NPLOC4: variants seen among roughly 807,000 people sequenced by gnomAD.
NPLOC4 encodes NPL4 homolog, ubiquitin recognition factor.
A neutral mutation model predicts 80.6 loss-of-function variants in NPLOC4; 18 were observed. The observed-to-expected ratio is 0.22, with a 90% CI of 0.15 to 0.33. The LOEUF (loss-of-function observed/expected upper bound fraction) is 0.33. Ranked by LOEUF, NPLOC4 falls within the 10% of genes least tolerant of loss-of-function variation. NPLOC4 has a pLI of 1.00. For synonymous variants in NPLOC4, 313 were observed against 301.5 expected (o/e 1.04, Z -0.39); for missense variants, 540 against 786.1 (o/e 0.69, Z 3.74).
At chr17:81,592,490 G>A (rs2034777811) in intron 11 of NPLOC4, among the ~76,000 whole-genome samples, 1 of 152,054 alleles carries the variant, frequency 6.6e-6, no homozygotes, top group Admixed American at 6.6e-5. Context: ...TTATAAATTA[G>A]GTTATTTATT....
At chr17:81,627,449 C>G (rs1327459535) in intron 2 of NPLOC4, among the ~76,000 whole-genome samples, 1 of 150,534 alleles carries the variant, frequency 6.6e-6, no homozygotes, top group Non-Finnish European at 1.5e-5. Flanking sequence ...ACTCAGAAAT[C>G]TGTTTTGAGG....
At chr17:81,581,980 C>T (rs2034452685) in intron 12 of NPLOC4, among the ~76,000 whole-genome samples, 2 of 152,208 alleles carry the variant, frequency 1.3e-5, no homozygotes, top group African/African-American at 4.8e-5. Context: ...ACAGCAGAGA[C>T]ATGCTTCCAT....
At chr17:81,619,770 T>C (rs1421663624) in intron 3 of NPLOC4, among the ~76,000 whole-genome samples, 1 of 150,410 alleles carries the variant, frequency 6.6e-6, no homozygotes, top group Non-Finnish European at 1.5e-5. Flanking sequence ...TCCCAGCTAC[T>C]CAGGAGGCTG....
chr17:81,580,693 G>T lies in NPLOC4; in HGVS notation c.1281+8251C>A, dbSNP rs62073416. ...CAAGCTTCTCTACCCGTTCCGCTGG[G>T]GTGGCCCACCTCCCCTGCTGCAGCA... On this transcript the variant is annotated intron_variant, in intron 12 of 16. Transcript: ENST00000331134. This position sits in a 1 kb window ranked among gnomAD's most constrained non-coding sequence, Gnocchi z 4.4. Among the ~76,000 whole-genome samples the T allele has an allele frequency of 0.071, 10,746 of 152,232 alleles. 521 individuals are homozygous for T. The highest frequency in any genetic ancestry group is 0.17 in the Middle Eastern group (50 of 294).
At position 81,606,680 on chromosome 17, in the gene NPLOC4, G is replaced by A; in HGVS notation, c.654+11C>T. The A allele has an allele frequency of 6.2e-7, 1 of 1,608,064 alleles. No individual in the cohort carries two copies. ...ATGAAAACAAATCTAGACAGACAGG[G>A]AACATCTCACCTGTCTGTTCAGCGT... On this transcript the variant is annotated intron_variant, in intron 7 of 16. Coordinates refer to ENST00000331134, the MANE Select transcript of NPLOC4 (RefSeq NM_017921.4).
At chr17:81,598,044 G>A (rs1296088501) in intron 9 of NPLOC4, among the ~76,000 whole-genome samples, 3 of 145,606 alleles carry the variant, frequency 2.1e-5, no homozygotes, top group South Asian at 2.2e-4. Context: ...GCAGTGAGCC[G>A]AGATTGCGTC....
intron 12 of NPLOC4, among the ~76,000 whole-genome samples, chr17:81,584,286 T>C (rs2034517780): frequency 6.6e-6 from 1 of 152,240 alleles, no homozygotes; most frequent in Admixed American, 6.5e-5. Flanking sequence ...TGGGAAGTAT[T>C]TCTAGCCTAT....
intron 16 of NPLOC4, chr17:81,562,283 A>T (rs909248319): frequency 1.3e-5 from 2 of 151,930 alleles, no homozygotes. Context: ...TCACACCTAT[A>T]ATCCCAGCAC....
At chr17:81,633,793 C>T (rs557670657) in intron 1 of NPLOC4, among the ~76,000 whole-genome samples, 2 of 152,292 alleles carry the variant, frequency 1.3e-5, no homozygotes, top group South Asian at 4.1e-4. Flanking sequence ...CAACCTTTGC[C>T]TGCCGAGTTC....
At position 81,596,118 on chromosome 17, in the gene NPLOC4, G is replaced by A. The variant is rs1238530061; in HGVS notation, c.1118C>T (p.Thr373Ile). 1 of 1,613,840 alleles carries A rather than the reference G, an allele frequency of 6.2e-7. No individual in the cohort carries two copies. ...AGTACATACTGTCCCTGTTATACCTGTAGCCACTGCAGTAACAAACTTGGA... is the reference window on the plus strand; with the variant it reads ...AGTACATACTGTCCCTGTTATACCTATAGCCACTGCAGTAACAAACTTGGA... ...FGSKFVTAVA[T>I]GGPDNQVHFE... The change falls in exon 11 of 17, where the codon ACA becomes ATA. Residue 373 changes from threonine (T) to isoleucine (I), a missense_variant and splice_region_variant. Thr to Ile is a moderately conservative substitution (Grantham distance 89, BLOSUM62 -1). This residue lies in a region of NPLOC4 where 251 missense variants were observed against 377.5 expected (regional missense o/e 0.66). Coordinates refer to ENST00000331134, the MANE Select transcript of NPLOC4 (RefSeq NM_017921.4).
intron 4 of NPLOC4, among the ~76,000 whole-genome samples, chr17:81,610,814 C>T (rs71373091): frequency 1.2e-5 from 1 of 86,918 alleles, no homozygotes; most frequent in East Asian, 2.3e-4. Flanking sequence ...TAGCCGGGCG[C>T]GGTGGCGGGC....
At chr17:81,598,591 G>A (rs184500998) in intron 9 of NPLOC4, among the ~76,000 whole-genome samples, 4 of 152,320 alleles carry the variant, frequency 2.6e-5, no homozygotes, top group Non-Finnish European at 2.9e-5. Context: ...AAGCATCTGA[G>A]GGTATGAGGA....
intron 1 of NPLOC4, 185 bp from the exon 2 acceptor site, chr17:81,629,990 C>T: frequency 3.7e-6 from 2 of 541,482 alleles, no homozygotes; most frequent in South Asian, 4.9e-5. Flanking sequence ...GATTCATCAA[C>T]ATATGGGGAG....
At chr17:81,610,704 G>A (rs1424367896) in intron 4 of NPLOC4, among the ~76,000 whole-genome samples, 11,860 of 57,470 alleles carry the variant, frequency 0.21, 1,687 homozygotes, top group Middle Eastern at 0.34. Context: ...TGTAATCCCA[G>A]CACTTTGGGA....
intron 11 of NPLOC4, among the ~76,000 whole-genome samples, chr17:81,595,427 CAA>C (rs35337296): frequency 5.6e-5 from 4 of 72,004 alleles, no homozygotes; most frequent in East Asian, 5.0e-4. Context: ...GTAAGACTGT[CAA>C]AAAAAAAAAA....
chr17:81,610,556 G>A, intron 4 of NPLOC4, among the ~76,000 whole-genome samples: 1 of 152,204 alleles, frequency 6.6e-6, no homozygotes, highest in Middle Eastern at 3.4e-3. Flanking sequence ...GACTCCAGGT[G>A]TACACCACCA....
chr17:81,593,722 G>A lies in NPLOC4; in HGVS notation c.1120+2394C>T, dbSNP rs186223809. Among the ~76,000 whole-genome samples the A allele has an allele frequency of 3.9e-3, 592 of 151,716 alleles. 4 individuals are homozygous for A. The highest frequency in any genetic ancestry group is 0.01 in the Admixed American group (159 of 15,210). The stretch of plus-strand genomic sequence containing the variant: ...AGAGTATGACGACACTTTTCTCCCC[G>A]TCTCTAAATACAACGCTGGCCAGGC... On this transcript the variant is annotated intron_variant, in intron 11 of 16. Transcript: ENST00000331134.
rs201622340 is a variant in NPLOC4 at position 81,559,396 on chromosome 17, G to C, written c.1690C>G (p.Pro564Ala). The change falls in exon 17 of 17, where the codon CCA becomes GCA. Residue 564 changes from proline to alanine, a missense_variant. Pro to Ala is a conservative substitution (Grantham distance 27, BLOSUM62 -1). Transcript: ENST00000331134. ...ACGGCGCCGTACTCATGGAGACCTG[G>C]GAGCTGCCCGCCAACTGTGCCTGCA... ...QLCSTVGGQL[P>A]GLHEYGAVGG... The C allele has an allele frequency of 3.3e-3, 5,345 of 1,610,498 alleles. 12 individuals carry two copies. The highest frequency in any genetic ancestry group is 4.1e-3 in the Non-Finnish European group (4,798 of 1,178,638).
chr17:81,587,841 T>C (rs2144133809), intron 12 of NPLOC4, among the ~76,000 whole-genome samples: 1 of 147,088 alleles, frequency 6.8e-6, no homozygotes, highest in African/African-American at 2.5e-5. Flanking sequence ...GCTTATTTTT[T>C]GTATTTTTTT....
Sources: allele counts gnomAD v4.1 joint callset (sites outside exome capture counted in the v4.1 genomes callset), GRCh38; gene constraint gnomAD v4.1.1; regional missense constraint gnomAD v4.1.1; non-coding constraint Gnocchi (gnomAD v3.1); transcripts MANE v1.5; gene names NCBI Gene and HGNC (gene_info 2026-07-23, HGNC 2026-07-21).